The following CLIP1 variants were observed in gnomAD, a reference collection of about 807,000 sequenced individuals.
CLIP1 encodes the protein CAP-Gly domain containing linker protein 1.
A neutral mutation model predicts 161.6 loss-of-function variants in CLIP1; 66 were observed. The observed-to-expected ratio is 0.41, with a 90% CI of 0.33 to 0.50. The LOEUF (loss-of-function observed/expected upper bound fraction) is 0.50. Among genes scored for constraint, CLIP1 ranks in the 20% least tolerant of loss-of-function variants. The pLI, the probability that CLIP1 is intolerant of heterozygous loss-of-function variation, is 0.27. For missense variants in CLIP1, 1,376 were observed against 1,702.0 expected (o/e 0.81, Z 3.37); for synonymous variants, 598 against 626.2 (o/e 0.96, Z 0.67).
intron 11 of CLIP1, among the ~76,000 whole-genome samples, chr12:122,339,524 CA>C (rs1329951705): frequency 6.6e-6 from 1 of 151,454 alleles, no homozygotes; most frequent in Non-Finnish European, 1.5e-5. Flanking sequence ...TTTTAGTAGA[CA>C]GGGGCCAGGC....
intron 1 of CLIP1, among the ~76,000 whole-genome samples, chr12:122,382,913 G>GT (rs1434913402): frequency 1.3e-5 from 2 of 152,080 alleles, no homozygotes; most frequent in East Asian, 3.9e-4. Flanking sequence ...CGCTAAGGCC[G>GT]TAGTTCTGAT....
rs1309674976 is a variant in CLIP1, at chr12:122,412,055, ATTTTC to A, written c.-107+10461_-107+10465del. Among the ~76,000 whole-genome samples the A allele has an allele frequency of 8.5e-5, 8 of 93,862 alleles. No individual in the cohort carries two copies. The East Asian group carries it at 2.5e-3, about 29-fold the overall frequency. The allele number at this position is 93,862 out of a possible 152,430, so 61.6% of individuals were successfully genotyped here. ...TCCTACTTACTATCTACAACCAGTT[ATTTTC>A]TTTTTTTTTTTTTTTTTTTTTTTTA... On this transcript the variant is annotated intron_variant, in intron 1 of 25. Coordinates refer to ENST00000620786, the MANE Select transcript of CLIP1 (RefSeq NM_001247997.2).
At chr12:122,351,054 TC>T (rs1566155130) in intron 9 of CLIP1, 56 bp downstream of exon 9, 29 of 1,292,462 alleles carry the variant, frequency 2.2e-5, no homozygotes, top group Non-Finnish European at 3.1e-5. Context: ...AGCATTTTAA[TC>T]TGTGATCAAT....
chr12:122,380,349 G>C lies in CLIP1; in HGVS notation c.85+19C>G. On this transcript the variant is annotated intron_variant, in intron 2 of 25. Transcript: ENST00000620786. The stretch of plus-strand genomic sequence containing the variant: ...AAGTCTCCATATAGGATAAGGAAAG[G>C]AAAAGCGTAAAGTATTACCAGCCGT... 2 of 1,568,080 alleles carry C rather than the reference G, an allele frequency of 1.3e-6. No individual in the cohort carries two copies. Among genetic ancestry groups the C allele is most frequent in the Non-Finnish European group, 1.7e-6 (2 of 1,146,300 alleles).
At position 122,309,827 on chromosome 12, in the gene CLIP1, C is replaced by T. The variant is rs768680491; in HGVS notation, c.3529G>A (p.Glu1177Lys). The T allele has an allele frequency of 1.2e-6, 2 of 1,613,906 alleles. No individual in the cohort carries two copies. Among genetic ancestry groups the T allele is most frequent in the Non-Finnish European group, 8.5e-7 (1 of 1,180,034 alleles). The change falls in exon 20 of 26, where the codon GAA (glutamate) becomes AAA (lysine). Residue 1177 changes from glutamate (E) to lysine (K), a missense_variant. Glu to Lys is a moderately conservative substitution (Grantham distance 56). Coordinates refer to ENST00000620786, the MANE Select transcript of CLIP1 (RefSeq NM_001247997.2). ...TCCTCAGCAAGTTTAACGTTCTCTT[C>T]TTGCAACGCTGAAAGCTGCTGGGAC... The part of the protein sequence containing the change: ...QKSQQLSALQ[E>K]ENVKLAEELG...
chr12:122,318,076 A>T (rs538354716), intron 18 of CLIP1, among the ~76,000 whole-genome samples: 59 of 152,080 alleles, frequency 3.9e-4, no homozygotes, highest in Non-Finnish European at 5.9e-4. Context: ...CTTCTATGTG[A>T]AGTGTTGTTA....
intron 9 of CLIP1, among the ~76,000 whole-genome samples, chr12:122,349,127 C>T (rs1276635540): frequency 2.0e-5 from 3 of 152,172 alleles, no homozygotes; most frequent in African/African-American, 7.2e-5. Flanking sequence ...TTCAATTTCC[C>T]TGCTTTTATA....
intron 20 of CLIP1, among the ~76,000 whole-genome samples, chr12:122,308,016 A>T (rs546555330): frequency 6.6e-6 from 1 of 152,178 alleles, no homozygotes; most frequent in South Asian, 2.1e-4. Flanking sequence ...AAAGTGCCTG[A>T]TTTTTACATT....
At chr12:122,349,797 C>T (rs754918098) in intron 9 of CLIP1, among the ~76,000 whole-genome samples, 3 of 152,146 alleles carry the variant, frequency 2.0e-5, no homozygotes, top group South Asian at 2.1e-4. Flanking sequence ...GAGCCTGTTT[C>T]GGAAGGAGAG....
In CLIP1 at chr12:122,365,080, T is replaced by C. The variant is rs530429125; in HGVS notation, c.658-973A>G. On this transcript the variant is annotated intron_variant, in intron 3 of 25. Coordinates refer to ENST00000620786, the MANE Select transcript of CLIP1 (RefSeq NM_001247997.2). ...AAGGGGAACATCACACTCTGGGGAC[T>C]GTTGTGGGGTGGGGGGAGAGGAGAG... is the stretch of plus-strand genomic sequence containing the variant. 3.3e-3 allele frequency among the ~76,000 whole-genome samples: 499 copies of C among 151,918 alleles called. 4 individuals are homozygous for C. The highest frequency in any genetic ancestry group is 0.012 in the African/African-American group (478 of 41,422).
At chr12:122,390,208 ACAC>A (rs1443876746) in intron 1 of CLIP1, among the ~76,000 whole-genome samples, 1,361 of 120,670 alleles carry the variant, frequency 0.011, 12 homozygotes, top group Non-Finnish European at 0.018. Context: ...ATATATATAT[ACAC>A]ACATATATAT....
At chr12:122,336,564 A>G (rs1952233328) in intron 12 of CLIP1, 68 bp downstream of exon 12, 1 of 784,124 alleles carries the variant, frequency 1.3e-6, no homozygotes, top group Non-Finnish European at 2.2e-6. Context: ...AATATTTCTT[A>G]CTGGAGGATT....
intron 9 of CLIP1, among the ~76,000 whole-genome samples, chr12:122,348,418 T>C (rs180811974): frequency 7.9e-4 from 120 of 152,230 alleles, no homozygotes; most frequent in Non-Finnish European, 1.5e-3. Context: ...AGCTCAGACA[T>C]AAAAACGCAA....
rs1167930175 is a variant in CLIP1, at chr12:122,377,873, A to T, written c.173T>A (p.Phe58Tyr). Residue 58 changes from phenylalanine (F) to tyrosine (Y), a missense_variant, in exon 3 of 26, where the codon TTT becomes TAT. This residue lies in a region of CLIP1 where 66 missense variants were observed against 67.8 expected (regional missense o/e 0.97). Coordinates refer to ENST00000620786, the MANE Select transcript of CLIP1 (RefSeq NM_001247997.2). ...CACCCAAACTCGCTCCCCAACTCGA[A>T]AGTCATCCACAAATTCCTCCTGAGT... The part of the protein sequence containing the change: ...SETQEEFVDD[F>Y]RVGERVWVNG... 6.2e-7 allele frequency: 1 copy of T among 1,613,824 alleles called. No individual in the cohort carries two copies. Among genetic ancestry groups the T allele is most frequent in the African/African-American group, 1.3e-5 (1 of 74,858 alleles).
intron 3 of CLIP1, among the ~76,000 whole-genome samples, chr12:122,373,399 G>C (rs1397151885): frequency 1.3e-5 from 2 of 151,234 alleles, no homozygotes; most frequent in Non-Finnish European, 1.5e-5. Context: ...CTCCAACCTA[G>C]GGGGACAGAG....
At chr12:122,297,968 G>C (rs763031936) in intron 20 of CLIP1, among the ~76,000 whole-genome samples, 9 of 152,076 alleles carry the variant, frequency 5.9e-5, no homozygotes, top group African/African-American at 2.2e-4. Context: ...TGGGATTACC[G>C]AAAGACTGGC....
intron 6 of CLIP1, chr12:122,354,823 T>A (rs1953249444): frequency 1.7e-6 from 1 of 576,784 alleles, no homozygotes. Context: ...ACAGCAGCTA[T>A]AATCAATCAT....
intron 19 of CLIP1, 114 bp from the exon 20 acceptor site, chr12:122,309,996 G>C: frequency 5.2e-6 from 6 of 1,158,270 alleles, no homozygotes; most frequent in Non-Finnish European, 7.4e-6. Flanking sequence ...GTGCCTGATA[G>C]GATCTATAAT....
At chr12:122,365,355 T>C in intron 3 of CLIP1, 1 of 976,942 alleles carries the variant, frequency 1.0e-6, no homozygotes, top group Non-Finnish European at 1.6e-6. Flanking sequence ...TCTACAATGT[T>C]ACCCAGCATG....
Sources: gnomAD v4.1 joint callset for allele counts (sites outside exome capture counted in the v4.1 genomes callset) on GRCh38, gnomAD v4.1.1 for gene constraint, gnomAD v4.1.1 regional missense constraint, MANE v1.5 for transcripts, NCBI Gene and HGNC (gene_info 2026-07-23, HGNC 2026-07-21) for gene names.